ITGA9: variants seen among roughly 807,000 people sequenced by gnomAD.
ITGA9 encodes integrin subunit alpha 9, also known as integrin alpha-9.
ITGA9 carries 56 observed loss-of-function variants against 127.8 expected under a neutral mutation model. The observed-to-expected ratio is 0.44, with a 90% CI of 0.35 to 0.55. ITGA9 has a LOEUF of 0.55. Ranked by LOEUF, ITGA9 falls within the 20% of genes least tolerant of loss-of-function variation. The probability of loss-of-function intolerance (pLI) is 0.00; values close to 1 mark genes in which losing one functional copy is unlikely to be tolerated. For synonymous variants in ITGA9, 508 were observed against 514.5 expected, an observed-to-expected ratio of 0.99 and a Z score of 0.17; for missense variants, 1,196 against 1,347.1, an observed-to-expected ratio of 0.89 and a Z score of 1.76.
At chr3:37,657,086 A>G (rs889442014) in intron 17 of ITGA9, among the ~76,000 whole-genome samples, 10 of 152,238 alleles carry the variant, frequency 6.6e-5, no homozygotes, top group Middle Eastern at 3.4e-3. Flanking sequence ...GGCTGGATTC[A>G]GTTTGCCAGT....
intron 26 of ITGA9, among the ~76,000 whole-genome samples, chr3:37,797,284 G>A (rs768189736): frequency 3.3e-5 from 5 of 152,110 alleles, no homozygotes; most frequent in Non-Finnish European, 5.9e-5. Flanking sequence ...CTATAGTATA[G>A]GTTGAGGCTA....
At chr3:37,490,973 C>CACCA (rs397726826) in intron 4 of ITGA9, among the ~76,000 whole-genome samples, 1 of 133,200 alleles carries the variant, frequency 7.5e-6, no homozygotes, top group Non-Finnish European at 1.6e-5. Context: ...GCTTCCCCCC[C>CACCA]GCTTTTTTTT....
At chr3:37,576,001 T>G (rs1464240489) in intron 15 of ITGA9, among the ~76,000 whole-genome samples, 1 of 152,248 alleles carries the variant, frequency 6.6e-6, no homozygotes, top group East Asian at 1.9e-4. Flanking sequence ...GAACTGATGA[T>G]TCTCAGAAGA....
intron 23 of ITGA9, among the ~76,000 whole-genome samples, chr3:37,753,270 C>T (rs1696611519): frequency 2.0e-5 from 3 of 152,158 alleles, no homozygotes; most frequent in Admixed American, 2.0e-4. Context: ...TGCCAGGCTC[C>T]AAGGAGAGGA....
intron 17 of ITGA9, among the ~76,000 whole-genome samples, chr3:37,673,648 T>C (rs1391300002): frequency 6.6e-6 from 1 of 152,216 alleles, no homozygotes; most frequent in Admixed American, 6.5e-5. Context: ...TTGTTTGCTC[T>C]TCTGGTTCTT....
chr3:37,660,282 C>A (rs1339521445), intron 17 of ITGA9, among the ~76,000 whole-genome samples: 1 of 152,088 alleles, frequency 6.6e-6, no homozygotes, highest in Non-Finnish European at 1.5e-5. Context: ...GAAAAAATAA[C>A]AAGAAACAAA....
chr3:37,664,374 C>A (rs1424121112), intron 17 of ITGA9, among the ~76,000 whole-genome samples: 5 of 151,094 alleles, frequency 3.3e-5, no homozygotes, highest in African/African-American at 9.7e-5. Flanking sequence ...CACAAGCAAT[C>A]TGTCCTGCTG....
chr3:37,631,110 G>A (rs992034798), intron 16 of ITGA9, among the ~76,000 whole-genome samples: 2 of 152,234 alleles, frequency 1.3e-5, no homozygotes, highest in Admixed American at 6.5e-5. Flanking sequence ...GCTTTCTAAG[G>A]TCAAATCTTA....
chr3:37,650,380 A>C (rs1700417906), intron 16 of ITGA9, among the ~76,000 whole-genome samples: 1 of 152,138 alleles, frequency 6.6e-6, no homozygotes, highest in East Asian at 1.9e-4. Context: ...ACCTGCACAG[A>C]GGTAAATTCA....
At chr3:37,467,978 C>T (rs1220963250) in intron 1 of ITGA9, among the ~76,000 whole-genome samples, 4 of 152,208 alleles carry the variant, frequency 2.6e-5, no homozygotes, top group African/African-American at 4.8e-5. Flanking sequence ...TGGCTTTCTT[C>T]TCACTGGAGT....
chr3:37,751,354 G>A (rs1696583789), intron 23 of ITGA9, among the ~76,000 whole-genome samples: 1 of 152,194 alleles, frequency 6.6e-6, no homozygotes, highest in South Asian at 2.1e-4. Flanking sequence ...TTAGCATGAG[G>A]TGAACAAACC....
chr3:37,490,629 C>T (rs924809156), intron 4 of ITGA9, among the ~76,000 whole-genome samples: 1 of 152,176 alleles, frequency 6.6e-6, no homozygotes, highest in African/African-American at 2.4e-5. Context: ...CAGGAAGTGA[C>T]CCCACCCGAT....
At chr3:37,572,918 A>C (rs565106036) in intron 15 of ITGA9, among the ~76,000 whole-genome samples, 3 of 152,322 alleles carry the variant, frequency 2.0e-5, no homozygotes, top group Admixed American at 2.0e-4. Context: ...ATGTCTGTAA[A>C]ATGAAGATGT....
At chr3:37,506,657 T>A (rs1390598077) in intron 7 of ITGA9, among the ~76,000 whole-genome samples, 1 of 152,212 alleles carries the variant, frequency 6.6e-6, no homozygotes, top group African/African-American at 2.4e-5. Context: ...TAGGGCTGCC[T>A]GAATTCCTTT....
intron 1 of ITGA9, among the ~76,000 whole-genome samples, chr3:37,469,977 A>G (rs1040960288): frequency 4.6e-5 from 7 of 151,828 alleles, no homozygotes; most frequent in Admixed American, 2.0e-4. Flanking sequence ...TTGTATTTTT[A>G]GTAGAGACAG....
chr3:37,795,518 G>T (rs1441355324), intron 26 of ITGA9, among the ~76,000 whole-genome samples: 2 of 152,176 alleles, frequency 1.3e-5, no homozygotes, highest in Admixed American at 6.5e-5. Flanking sequence ...AAGCAGGCAG[G>T]GTGCCAGTGT....
intron 15 of ITGA9, among the ~76,000 whole-genome samples, chr3:37,626,319 G>A (rs909774595): frequency 6.6e-6 from 1 of 152,108 alleles, no homozygotes; most frequent in Non-Finnish European, 1.5e-5. Flanking sequence ...CTTTGGGATG[G>A]AGGGACATTT....
rs553838233 is a variant in ITGA9, at chr3:37,472,523, C to T, written c.314-831C>T. ...AAGCGATTCTCCTGCCTCAGCCTCC[C>T]GAGTAGCTGGGATTACAGTGTATGA... On this transcript the variant is annotated intron_variant, in intron 2 of 27. Coordinates refer to ENST00000264741, the MANE Select transcript of ITGA9 (RefSeq NM_002207.3). Among the ~76,000 whole-genome samples the T allele has an allele frequency of 7.6e-4, 116 of 152,112 alleles. 1 individual carries two copies. The Middle Eastern group carries it at 0.017, about 22-fold the overall frequency.
Position 37,581,264 on chromosome 3 carries a change from C to T in ITGA9, c.1689+38679C>T, listed in dbSNP as rs757969556. Among the ~76,000 whole-genome samples the T allele has an allele frequency of 1.4e-4, 21 of 152,232 alleles. No individual in the cohort carries two copies. In the South Asian group the frequency reaches 1.9e-3, roughly 14 times the overall value. On this transcript the variant is annotated intron_variant, in intron 15 of 27. Coordinates refer to ENST00000264741, the MANE Select transcript of ITGA9 (RefSeq NM_002207.3). The stretch of plus-strand genomic sequence containing the variant: ...CTAGTGTGGTCACAGAGGGAACAGA[C>T]GGAAGCAGTGATTCTTGAGAACTTT...
Sources: allele counts gnomAD v4.1 joint callset (sites outside exome capture counted in the v4.1 genomes callset), GRCh38; gene constraint gnomAD v4.1.1; transcripts MANE v1.5; gene names NCBI Gene and HGNC (gene_info 2026-07-23, HGNC 2026-07-21).